Variants in MISP observed in about 807,000 individuals in gnomAD.
MISP encodes mitotic interactor and substrate of PLK1.
A neutral mutation model predicts 49.3 loss-of-function variants in MISP; 51 were observed. The ratio of observed to expected loss-of-function variants is 1.03; its 90% CI spans 0.83 to 1.31. The LOEUF (loss-of-function observed/expected upper bound fraction) is 1.31. Among genes scored for constraint, MISP ranks in the 50% most tolerant of loss-of-function variants. MISP has a pLI of 0.00. For synonymous variants in MISP, 444 were observed against 392.6 expected, an observed-to-expected ratio of 1.13 and a Z score of -1.55; for missense variants, 1,084 against 935.1, an observed-to-expected ratio of 1.16 and a Z score of -2.08.
In MISP at chr19:763,349, G is replaced by T. The variant is rs550749857; in HGVS notation, c.1951-152G>T. The T allele has an allele frequency of 2.3e-5, 14 of 607,180 alleles. 1 individual carries two copies. Among genetic ancestry groups the T allele is most frequent in the South Asian group, 2.2e-4 (11 of 49,454 alleles). 37.6% of individuals were successfully genotyped at this position (607,180 alleles called of 1,614,324 possible). A position where few individuals can be genotyped will look rare whatever the true frequency, so the allele number is the denominator to read the frequency against. On this transcript the variant is annotated intron_variant, in intron 4 of 4. Coordinates refer to ENST00000215582, the MANE Select transcript of MISP (RefSeq NM_173481.4). ...CTCAGCATGAGTTAGCATATTCTTT[G>T]ATCATATTACTAGGAGTAGAGGGTC...
intron 1 of MISP, 150 bp downstream of exon 1, chr19:751,321 C>G (rs140974529): frequency 6.6e-6 from 1 of 152,262 alleles, no homozygotes; most frequent in East Asian, 1.9e-4. Flanking sequence ...TGCCCCACCC[C>G]GTCACCCTCG....
At chr19:749,456 G>GAGCTTTCACA (rs2033425731), upstream of MISP, among the ~76,000 whole-genome samples, 1 of 152,188 alleles carries the variant, frequency 6.6e-6, no homozygotes, top group Non-Finnish European at 1.5e-5. Context: ...GTGAGGCCGC[G>GAGCTTTCACA]CACCCTGAGC....
chr19:762,827 T>TTTTA (rs1280995763), intron 4 of MISP, among the ~76,000 whole-genome samples: 23 of 151,908 alleles, frequency 1.5e-4, no homozygotes, highest in African/African-American at 2.7e-4. Context: ...GATAGTTTAT[T>TTTTA]TTTATTTATT....
Position 758,683 on chromosome 19 carries a change from T to C in MISP, c.1737T>C (p.Asp579=). Residue 579 remains aspartate (D), a synonymous_variant, in exon 2 of 5, where the codon GAT becomes GAC. Coordinates refer to ENST00000215582, the MANE Select transcript of MISP (RefSeq NM_173481.4). ...LFPEVFSPTP[D]ENSDQNSRSS... is the part of the protein sequence containing the mutation. ...CAGAGGTCTTCTCCCCAACGCCAGATGAGAACTCTGACCAGAACTCCAGGA... is the reference window on the plus strand; with the variant it reads ...CAGAGGTCTTCTCCCCAACGCCAGACGAGAACTCTGACCAGAACTCCAGGA... 3 of 1,614,146 alleles carry C rather than the reference T, an allele frequency of 1.9e-6. No homozygotes were observed. Among genetic ancestry groups the C allele is most frequent in the African/African-American group, 2.7e-5 (2 of 75,044 alleles).
chr19:761,802 G>A, intron 4 of MISP, 139 bp downstream of exon 4: 2 of 922,448 alleles, frequency 2.2e-6, no homozygotes, highest in Non-Finnish European at 3.4e-6. Flanking sequence ...TGTCTGCTCA[G>A]GGTGGATTTT....
At chr19:754,706 G>A (rs1315328379) in intron 1 of MISP, among the ~76,000 whole-genome samples, 3 of 152,242 alleles carry the variant, frequency 2.0e-5, no homozygotes, top group Non-Finnish European at 4.4e-5. Flanking sequence ...GGCTCTGGGG[G>A]AGGGGCAATC....
chr19:764,062 C>G lies in MISP; in HGVS notation c.*472C>G, dbSNP rs1254409850. On this transcript the variant is annotated 3_prime_UTR_variant, in exon 5 of 5. Transcript: ENST00000215582. Reference sequence around the variant, plus strand: ...TCCCAAGCTGAGAGGGGAGACCTGCCCCTTTCCAACCCTGGGAAACCATCC... The same window carrying G: ...TCCCAAGCTGAGAGGGGAGACCTGCGCCTTTCCAACCCTGGGAAACCATCC... 1 of 154,854 alleles carries G rather than the reference C, an allele frequency of 6.5e-6. No individual in the cohort carries two copies. Among genetic ancestry groups the G allele is most frequent in the African/African-American group, 2.4e-5 (1 of 41,428 alleles). 9.6% of individuals were successfully genotyped at this position (154,854 alleles called of 1,614,324 possible).
rs1312581226 is a variant in MISP at position 759,982 on chromosome 19, G to A, written c.1854G>A (p.Trp618Ter). The A allele has an allele frequency of 1.2e-6, 2 of 1,613,940 alleles. No individual in the cohort carries two copies. The highest frequency in any genetic ancestry group is 1.7e-6 in the Non-Finnish European group (2 of 1,179,982). Residue 618 changes from tryptophan to a stop codon, truncating the protein, a stop_gained, in exon 3 of 5, where the codon TGG becomes TGA. Coordinates refer to ENST00000215582, the MANE Select transcript of MISP (RefSeq NM_173481.4). LOFTEE classifies it high-confidence loss of function. Reference protein sequence around the residue: ...SPIHLHSNVAWTVEDPVDSAP... With the variant: ...SPIHLHSNVA ...TCCACCTACACTCAAACGTGGCGTG[G>A]ACAGTGGAAGATCCAGTGGACAGTG...
chr19:758,199 AC>A lies in MISP; in HGVS notation c.1255del (p.Arg419AlafsTer11). The A allele has an allele frequency of 6.2e-7, 1 of 1,612,586 alleles. No homozygotes were observed. ...CCAGCTCCAGAAGTGAGGAAGGTGA[AC>A]CGCATCCCACCTGATGCCTACCAGC... ...ADPAPEVRKV[N>X]RIPPDAYQPY... is the part of the protein sequence containing the mutation. On this transcript the variant is annotated frameshift_variant, in exon 2 of 5. Coordinates refer to ENST00000215582, the MANE Select transcript of MISP (RefSeq NM_173481.4). LOFTEE classifies it high-confidence loss of function.
chr19:763,389 G>A (rs2033705672), intron 4 of MISP, 112 bp from the exon 5 acceptor site: 1 of 712,554 alleles, frequency 1.4e-6, no homozygotes, highest in South Asian at 1.6e-5. Context: ...ACAGAGGAGG[G>A]GATCCTACTT....
Position 763,650 on chromosome 19 carries a change from C to G in MISP, c.*60C>G, listed in dbSNP as rs1454238342. On this transcript the variant is annotated 3_prime_UTR_variant, in exon 5 of 5. Coordinates refer to ENST00000215582, the MANE Select transcript of MISP (RefSeq NM_173481.4). The stretch of plus-strand genomic sequence containing the variant: ...CTGACCCTCGTGGGAACTGCCAAGA[C>G]CATCGCCAAGCCCCCACCCTAGGAA... The G allele has an allele frequency of 7.9e-7, 1 of 1,267,824 alleles. No homozygotes were observed. Among genetic ancestry groups the G allele is most frequent in the Admixed American group, 1.8e-5 (1 of 54,632 alleles). 78.5% of individuals were successfully genotyped at this position (1,267,824 alleles called of 1,614,324 possible).
intron 2 of MISP, 68 bp from the exon 3 acceptor site, chr19:759,841 G>A (rs1599187034): frequency 8.2e-6 from 13 of 1,581,662 alleles, no homozygotes; most frequent in Non-Finnish European, 2.6e-6. Flanking sequence ...CTGCTGGCTA[G>A]AGACTCTGTC....
chr19:758,766 T>C, intron 2 of MISP, 40 bp downstream of exon 2: 1 of 1,563,754 alleles, frequency 6.4e-7, no homozygotes, highest in Non-Finnish European at 8.7e-7. Flanking sequence ...TGGCTCAGGG[T>C]CTCAGAGGTT....
At chr19:749,760 G>A (rs1397766128), upstream of MISP, among the ~76,000 whole-genome samples, 1 of 152,010 alleles carries the variant, frequency 6.6e-6, no homozygotes, top group Non-Finnish European at 1.5e-5. Context: ...AACAGGGGAG[G>A]TTGCCGTGAG....
At chr19:760,986 T>C (rs1360071120) in intron 3 of MISP, among the ~76,000 whole-genome samples, 1 of 152,068 alleles carries the variant, frequency 6.6e-6, no homozygotes, top group Admixed American at 6.5e-5. Flanking sequence ...CATGTATGTT[T>C]ATCCTCTTGG....
At chr19:755,777 C>T (rs7257870) in intron 1 of MISP, among the ~76,000 whole-genome samples, 11 of 152,002 alleles carry the variant, frequency 7.2e-5, no homozygotes, top group African/African-American at 2.4e-4. Flanking sequence ...ACTAAAAATA[C>T]AAAAAATTAG....
intron 4 of MISP, 56 bp downstream of exon 4, chr19:761,719 C>T: frequency 3.1e-6 from 5 of 1,597,550 alleles, no homozygotes; most frequent in South Asian, 1.1e-5. Flanking sequence ...ATCTGTGCCC[C>T]TGCACACAGG....
At chr19:751,894 C>T (rs2033465141) in intron 1 of MISP, among the ~76,000 whole-genome samples, 1 of 152,114 alleles carries the variant, frequency 6.6e-6, no homozygotes, top group South Asian at 2.1e-4. Flanking sequence ...AGTCTCGGCC[C>T]CACAAGGGAA....
At chr19:761,085 CTTTTTT>C (rs557194356) in intron 3 of MISP, among the ~76,000 whole-genome samples, 10 of 92,800 alleles carry the variant, frequency 1.1e-4, no homozygotes, top group Non-Finnish European at 1.8e-4. Flanking sequence ...ATATTATGTC[CTTTTTT>C]TTTTTTTTTT....
Sources: gnomAD v4.1 joint callset for allele counts (sites outside exome capture counted in the v4.1 genomes callset) on GRCh38, gnomAD v4.1.1 for gene constraint, MANE v1.5 for transcripts, NCBI Gene and HGNC (gene_info 2026-07-23, HGNC 2026-07-21) for gene names.